The following SPAG16 variants were observed in gnomAD, a reference collection of about 807,000 sequenced individuals.
SPAG16 encodes sperm associated antigen 16.
A neutral mutation model predicts 80.4 loss-of-function variants in SPAG16; 86 were observed. The observed-to-expected ratio is 1.07, with a 90% CI of 0.90 to 1.28. The LOEUF (loss-of-function observed/expected upper bound fraction) is 1.28. SPAG16 is among the 50% of genes most tolerant of loss of function. SPAG16 has a pLI of 0.00. For synonymous variants in SPAG16, 294 were observed against 265.9 expected (o/e 1.11, Z -1.03); for missense variants, 870 against 765.3 (o/e 1.14, Z -1.61).
At chr2:213,467,506 A>G (rs2072765132) in intron 9 of SPAG16, among the ~76,000 whole-genome samples, 1 of 152,172 alleles carries the variant, frequency 6.6e-6, no homozygotes, top group Non-Finnish European at 1.5e-5. Context: ...GTTGGGAAAA[A>G]TATCAGGTTA....
chr2:213,489,931 A>T (rs756913639), intron 9 of SPAG16, 32 bp from the exon 10 acceptor site: 18 of 1,568,226 alleles, frequency 1.1e-5, no homozygotes, highest in Non-Finnish European at 1.4e-5. Context: ...TTGATATTTA[A>T]CACAGAGCTC....
chr2:213,367,656 G>C (rs1226257786), intron 8 of SPAG16, among the ~76,000 whole-genome samples: 1 of 151,600 alleles, frequency 6.6e-6, no homozygotes, highest in African/African-American at 2.4e-5. Flanking sequence ...CTTGTAAATT[G>C]GTTTGAGTTC....
chr2:213,477,300 G>A (rs1021657698), intron 9 of SPAG16, among the ~76,000 whole-genome samples: 3 of 152,076 alleles, frequency 2.0e-5, no homozygotes, highest in African/African-American at 7.2e-5. Context: ...CTATCAATGG[G>A]GCACTGCCTA....
chr2:214,076,543 C>CTG lies in SPAG16; in HGVS notation c.1528-31631_1528-31630dup, dbSNP rs59810311. On this transcript the variant is annotated intron_variant, in intron 13 of 15. Coordinates refer to ENST00000331683, the MANE Select transcript of SPAG16 (RefSeq NM_024532.5). ...TGTGTGTGTGTGTGTGTGTGTGTGT[C>CTG]TGTGTGTGTGTGTGTGTGTGTGTTT... Among the ~76,000 whole-genome samples, 272 of 124,492 alleles carry CTG rather than the reference C, an allele frequency of 2.2e-3. 1 individual carries two copies. Among genetic ancestry groups the CTG allele is most frequent in the East Asian group, 0.016 (48 of 2,932 alleles). The allele number at this position is 124,492 out of a possible 152,430, so 81.7% of individuals were successfully genotyped here.
At chr2:213,448,466 A>G (rs1337112931) in intron 9 of SPAG16, among the ~76,000 whole-genome samples, 2 of 152,196 alleles carry the variant, frequency 1.3e-5, no homozygotes, top group Admixed American at 6.5e-5. Flanking sequence ...TGGGGGCCCC[A>G]CTGTAGTAAA....
At chr2:213,695,007 G>A (rs539126243) in intron 10 of SPAG16, among the ~76,000 whole-genome samples, 1 of 152,008 alleles carries the variant, frequency 6.6e-6, no homozygotes, top group East Asian at 1.9e-4. Flanking sequence ...TTTGGATCTT[G>A]ATTTTTTATA....
chr2:213,710,790 G>C (rs2065948534), intron 10 of SPAG16, among the ~76,000 whole-genome samples: 1 of 152,170 alleles, frequency 6.6e-6, no homozygotes, highest in South Asian at 2.1e-4. Context: ...TGGTATCGAA[G>C]TAACTTAAGA....
intron 13 of SPAG16, among the ~76,000 whole-genome samples, chr2:214,076,899 G>C (rs754534088): frequency 6.6e-5 from 10 of 152,016 alleles, no homozygotes; most frequent in Admixed American, 1.3e-4. Context: ...ATAGCAAGTT[G>C]GATTTAGTGA....
At chr2:213,935,062 C>T (rs1048717326) in intron 12 of SPAG16, among the ~76,000 whole-genome samples, 9 of 151,786 alleles carry the variant, frequency 5.9e-5, no homozygotes, top group Non-Finnish European at 1.2e-4. Context: ...ATTACCTGGG[C>T]GTGGTGGCAG....
chr2:213,618,456 A>G (rs1009722145), intron 10 of SPAG16, among the ~76,000 whole-genome samples: 2 of 152,140 alleles, frequency 1.3e-5, no homozygotes, highest in African/African-American at 4.8e-5. Flanking sequence ...AGTCCCCCCA[A>G]ACTGTAAAGT....
intron 9 of SPAG16, among the ~76,000 whole-genome samples, chr2:213,408,069 GGAGA>G (rs1219696815): frequency 1.3e-5 from 2 of 151,058 alleles, no homozygotes; most frequent in East Asian, 3.9e-4. Context: ...GGGAGAGGCA[GGAGA>G]GAGAGAAAGA....
intron 10 of SPAG16, among the ~76,000 whole-genome samples, chr2:213,792,593 T>C (rs2125612659): frequency 6.8e-6 from 1 of 146,192 alleles, no homozygotes; most frequent in South Asian, 2.2e-4. Flanking sequence ...TTTTTTTTTT[T>C]TTTTTTTGGA....
intron 14 of SPAG16, among the ~76,000 whole-genome samples, chr2:214,131,375 TAA>T (rs5838411): frequency 5.7e-4 from 78 of 136,008 alleles, no homozygotes; most frequent in African/African-American, 8.5e-4. Flanking sequence ...AACTCAAAAT[TAA>T]AAAAAAAAAA....
At chr2:213,978,782 C>T (rs949944698) in intron 12 of SPAG16, among the ~76,000 whole-genome samples, 9 of 152,082 alleles carry the variant, frequency 5.9e-5, no homozygotes, top group African/African-American at 2.2e-4. Flanking sequence ...GATCTGTTTT[C>T]AAGCTCGGTC....
At chr2:213,896,595 C>T (rs202100006) in intron 11 of SPAG16, among the ~76,000 whole-genome samples, 84,302 of 143,882 alleles carry the variant, frequency 0.59, 26,823 homozygotes, top group South Asian at 0.84. Flanking sequence ...CACACACGCA[C>T]ACACACACAC....
chr2:213,478,044 G>A (rs1325050761), intron 9 of SPAG16, among the ~76,000 whole-genome samples: 1 of 152,134 alleles, frequency 6.6e-6, no homozygotes, highest in Non-Finnish European at 1.5e-5. Context: ...AGAAGTGTCT[G>A]GCATTTCCCC....
chr2:214,126,039 CTTCCTTCCTTCCTTCCTTCCTTTTT>C (rs1559823019), intron 14 of SPAG16, among the ~76,000 whole-genome samples: 1 of 18,548 alleles, frequency 5.4e-5, no homozygotes, highest in East Asian at 5.9e-3. Flanking sequence ...TCCTTCCTTC[CTTCCTTCCTTCCTTCCTTCCTTTTT>C]TTTTTTTTTT....
At chr2:213,349,175 T>C (rs1331263980) in intron 6 of SPAG16, among the ~76,000 whole-genome samples, 1 of 152,176 alleles carries the variant, frequency 6.6e-6, no homozygotes, top group Non-Finnish European at 1.5e-5. Context: ...ATGCAGCATA[T>C]TGAAATGCAG....
intron 10 of SPAG16, among the ~76,000 whole-genome samples, chr2:213,747,392 A>G (rs2067875074): frequency 1.3e-5 from 2 of 152,230 alleles, no homozygotes; most frequent in South Asian, 4.1e-4. Context: ...GCCTAAGTGT[A>G]CAGTGTTTAT....
Sources: gnomAD v4.1 joint callset for allele counts (sites outside exome capture counted in the v4.1 genomes callset) on GRCh38, gnomAD v4.1.1 for gene constraint, MANE v1.5 for transcripts, NCBI Gene and HGNC (gene_info 2026-07-23, HGNC 2026-07-21) for gene names.